OCIAD1: variants seen among roughly 807,000 people sequenced by gnomAD.
OCIAD1 encodes OCIA domain-containing protein 1.
OCIAD1 carries 29 observed loss-of-function variants against 38.9 expected under a neutral mutation model. The ratio of observed to expected loss-of-function variants is 0.74; its 90% CI spans 0.55 to 1.02. OCIAD1 has a LOEUF of 1.02. Among genes scored for constraint, OCIAD1 ranks in the 50% least tolerant of loss-of-function variants. The probability of loss-of-function intolerance (pLI) is 0.00; values close to 1 mark genes in which losing one functional copy is unlikely to be tolerated. For synonymous variants in OCIAD1, 110 were observed against 92.0 expected (o/e 1.20, Z -1.12); for missense variants, 288 against 289.6 (o/e 0.99, Z 0.04).
At chr4:48,812,282 CAAAAAAAAAAAAAAAAAAAAAA>C (rs397881494) in intron 1 of OCIAD1, among the ~76,000 whole-genome samples, 40 of 25,086 alleles carry the variant, frequency 1.6e-3, no homozygotes, top group Non-Finnish European at 2.1e-3. Flanking sequence ...GAGTTGGTCT[CAAAAAAAAAAAAAAAAAAAAAA>C]AAAAAAAAAA....
intron 4 of OCIAD1, 132 bp from the exon 5 acceptor site, chr4:48,848,267 C>T: frequency 9.1e-6 from 4 of 441,222 alleles, no homozygotes; most frequent in Admixed American, 4.2e-5. Context: ...TTTGGTTTTC[C>T]CTATTAAACA....
intron 3 of OCIAD1, among the ~76,000 whole-genome samples, chr4:48,835,289 T>G (rs1440058818): frequency 1.3e-5 from 2 of 152,150 alleles, no homozygotes; most frequent in African/African-American, 4.8e-5. Flanking sequence ...ACTTAGAGAT[T>G]AAGTGTGTAA....
intron 3 of OCIAD1, among the ~76,000 whole-genome samples, chr4:48,835,445 A>G (rs112262897): frequency 2.0e-5 from 3 of 152,258 alleles, no homozygotes; most frequent in African/African-American, 7.2e-5. Context: ...GCCTCTTACA[A>G]TTTTACAGTT....
chr4:48,823,394 G>C (rs1028108470), intron 1 of OCIAD1, among the ~76,000 whole-genome samples: 2 of 151,944 alleles, frequency 1.3e-5, no homozygotes, highest in African/African-American at 2.4e-5. Context: ...CTGTTGGTGG[G>C]GGGGTAGGGG....
intron 3 of OCIAD1, among the ~76,000 whole-genome samples, chr4:48,836,980 C>CT (rs749668786): frequency 1.7e-4 from 26 of 151,304 alleles, no homozygotes; most frequent in Non-Finnish European, 3.2e-4. Context: ...TAATTTCTTT[C>CT]TTTTTTTTTG....
intron 1 of OCIAD1, among the ~76,000 whole-genome samples, chr4:48,806,798 A>G (rs759964593): frequency 6.6e-6 from 1 of 151,772 alleles, no homozygotes; most frequent in Non-Finnish European, 1.5e-5. Flanking sequence ...TAGAGATGAG[A>G]TTTCACCATG....
rs1270296073 is a variant in OCIAD1 at position 48,861,505 on chromosome 4, A to C, written c.*743A>C. 6.6e-6 allele frequency: 1 copy of C among 152,070 alleles called. No individual in the cohort carries two copies. The highest frequency in any genetic ancestry group is 1.9e-4 in the East Asian group (1 of 5,182). 9.4% of individuals were successfully genotyped at this position (152,070 alleles called of 1,614,324 possible). ...AGTTTGAGACCAGCCTGGGCAACAA[A>C]GCGAGACCCTGTCTTTACAAAAAAA... On this transcript the variant is annotated 3_prime_UTR_variant, in exon 9 of 9. Coordinates refer to ENST00000264312, the MANE Select transcript of OCIAD1 (RefSeq NM_017830.4).
chr4:48,822,990 C>T (rs1223991615), intron 1 of OCIAD1, among the ~76,000 whole-genome samples: 15 of 152,166 alleles, frequency 9.9e-5, no homozygotes, highest in Admixed American at 3.3e-4. Context: ...GGCAATTACT[C>T]AAGTATCTAG....
At chr4:48,853,588 A>T (rs1467162231) in intron 7 of OCIAD1, among the ~76,000 whole-genome samples, 1 of 152,152 alleles carries the variant, frequency 6.6e-6, no homozygotes, top group Non-Finnish European at 1.5e-5. Context: ...TAGGTCAGAG[A>T]AGGTTCTAGA....
intron 1 of OCIAD1, among the ~76,000 whole-genome samples, chr4:48,821,882 A>G (rs1413255389): frequency 1.3e-5 from 2 of 152,204 alleles, no homozygotes; most frequent in Admixed American, 1.3e-4. Flanking sequence ...CCACTGCTCA[A>G]GGAAATACGA....
intron 1 of OCIAD1, among the ~76,000 whole-genome samples, chr4:48,820,822 C>T (rs1447673300): frequency 6.6e-6 from 1 of 152,106 alleles, no homozygotes; most frequent in Non-Finnish European, 1.5e-5. Context: ...AATTCCTGGA[C>T]ACATACACAC....
chr4:48,840,872 C>T (rs1295231141), intron 3 of OCIAD1, among the ~76,000 whole-genome samples: 2 of 151,524 alleles, frequency 1.3e-5, no homozygotes, highest in East Asian at 3.9e-4. Context: ...AAAAAATTAG[C>T]CAGGCATGGC....
intron 3 of OCIAD1, among the ~76,000 whole-genome samples, chr4:48,838,753 T>C (rs1315797662): frequency 6.6e-6 from 1 of 152,240 alleles, no homozygotes; most frequent in East Asian, 1.9e-4. Flanking sequence ...TAATTTTTTA[T>C]ACATTTTTTA....
intron 7 of OCIAD1, 121 bp from the exon 8 acceptor site, chr4:48,857,092 A>T (rs2109621342): frequency 2.1e-6 from 1 of 473,914 alleles, no homozygotes; most frequent in East Asian, 3.4e-5. Flanking sequence ...TGGTGGTAAT[A>T]ATTTGATTCT....
At chr4:48,809,043 T>C (rs1777059749) in intron 1 of OCIAD1, among the ~76,000 whole-genome samples, 1 of 152,226 alleles carries the variant, frequency 6.6e-6, no homozygotes, top group Admixed American at 6.5e-5. Context: ...TCAACCATCT[T>C]AGTTCAAGCC....
At chr4:48,806,222 A>G (rs1777022050) in intron 1 of OCIAD1, among the ~76,000 whole-genome samples, 1 of 151,830 alleles carries the variant, frequency 6.6e-6, no homozygotes, top group Non-Finnish European at 1.5e-5. Context: ...AGCCGAGATC[A>G]CGCCCCTGTG....
chr4:48,814,433 A>G (rs1777123717), intron 1 of OCIAD1, among the ~76,000 whole-genome samples: 1 of 152,054 alleles, frequency 6.6e-6, no homozygotes, highest in African/African-American at 2.4e-5. Flanking sequence ...CATATTTATA[A>G]CAAAGTAGAC....
At chr4:48,841,540 T>C (rs1157207571) in intron 3 of OCIAD1, among the ~76,000 whole-genome samples, 1 of 152,160 alleles carries the variant, frequency 6.6e-6, no homozygotes. Context: ...GCTGGTCACT[T>C]ATTCACCCTC....
At chr4:48,860,227 A>G (rs1780476973) in intron 8 of OCIAD1, 1 of 153,124 alleles carries the variant, frequency 6.5e-6, no homozygotes, top group Non-Finnish European at 1.5e-5. Context: ...TGAATTAATT[A>G]CAACTTGAAC....
Sources: gnomAD v4.1 joint callset for allele counts (sites outside exome capture counted in the v4.1 genomes callset) on GRCh38, gnomAD v4.1.1 for gene constraint, MANE v1.5 for transcripts, NCBI Gene and HGNC (gene_info 2026-07-23, HGNC 2026-07-21) for gene names.